KL: variants seen among roughly 807,000 people sequenced by gnomAD.
KL encodes klotho.
KL carries 62 observed loss-of-function variants against 84.2 expected under a neutral mutation model. The ratio of observed to expected loss-of-function variants is 0.74; its 90% CI spans 0.60 to 0.91. KL has a LOEUF of 0.91. Among genes scored for constraint, KL ranks in the 40% least tolerant of loss-of-function variants. The pLI is 0.00. For missense variants in KL, 1,261 were observed against 1,305.7 expected (o/e 0.97, Z 0.53); for synonymous variants, 528 against 528.0 (o/e 1.00, Z 0.00).
intron 1 of KL, among the ~76,000 whole-genome samples, chr13:33,043,036 T>TG (rs1232846784): frequency 6.6e-6 from 1 of 152,142 alleles, no homozygotes; most frequent in Non-Finnish European, 1.5e-5. Context: ...TACAAGTCTT[T>TG]TGGGGGGCTT....
chr13:33,055,383 C>G (rs1566507918), intron 3 of KL, 68 bp downstream of exon 3: 1 of 1,590,990 alleles, frequency 6.3e-7, no homozygotes, highest in South Asian at 1.1e-5. Context: ...GTGCTTCCTT[C>G]CTAGGCTGAT....
intron 3 of KL, among the ~76,000 whole-genome samples, chr13:33,059,139 G>C (rs1009715341): frequency 6.6e-6 from 1 of 152,168 alleles, no homozygotes; most frequent in Non-Finnish European, 1.5e-5. Flanking sequence ...TCAGACCAAG[G>C]AACCTGTTCT....
intron 1 of KL, among the ~76,000 whole-genome samples, chr13:33,045,687 C>T (rs548331803): frequency 6.6e-6 from 1 of 152,168 alleles, no homozygotes; most frequent in Non-Finnish European, 1.5e-5. Context: ...CGATGTTGGT[C>T]AGGCTGCTCT....
At position 33,064,344 on chromosome 13, in the gene KL, T is replaced by G; in HGVS notation, c.*158T>G. ...TATGACAGAGGTTTTGAAATGGGCA[T>G]AGGTGATCGTAAAATATTGAATAAT... On this transcript the variant is annotated 3_prime_UTR_variant, in exon 5 of 5. Transcript: ENST00000380099. 1.7e-6 allele frequency: 1 copy of G among 604,672 alleles called. No homozygotes were observed. The highest frequency in any genetic ancestry group is 2.9e-6 in the Non-Finnish European group (1 of 346,952). 37.5% of individuals were successfully genotyped at this position (604,672 alleles called of 1,614,324 possible).
chr13:33,021,285 G>A (rs949545614), intron 1 of KL, among the ~76,000 whole-genome samples: 3 of 152,274 alleles, frequency 2.0e-5, no homozygotes, highest in Admixed American at 6.5e-5. Context: ...ACATAACGTG[G>A]CAGACTCTGA....
At chr13:33,060,549 A>G in intron 3 of KL, 130 bp from the exon 4 acceptor site, 1 of 988,186 alleles carries the variant, frequency 1.0e-6, no homozygotes, top group Non-Finnish European at 1.6e-6. Context: ...TATGAAAAAT[A>G]GTTCACATTC....
intron 1 of KL, among the ~76,000 whole-genome samples, chr13:33,037,335 AC>A (rs1471557321): frequency 6.6e-6 from 1 of 152,128 alleles, no homozygotes; most frequent in Non-Finnish European, 1.5e-5. Flanking sequence ...TTTAAAAAAA[AC>A]AACAAAGATT....
chr13:33,044,649 T>C (rs1203084019), intron 1 of KL, among the ~76,000 whole-genome samples: 2 of 93,966 alleles, frequency 2.1e-5, no homozygotes, highest in East Asian at 2.6e-4. Flanking sequence ...TCTTTTTTTT[T>C]TTTTTTTTTT....
intron 3 of KL, among the ~76,000 whole-genome samples, chr13:33,060,298 T>A (rs1267548845): frequency 1.3e-5 from 2 of 152,190 alleles, no homozygotes; most frequent in African/African-American, 2.4e-5. Flanking sequence ...TTTTTCTTTT[T>A]AAATTTGAAA....
intron 1 of KL, among the ~76,000 whole-genome samples, chr13:33,033,726 A>T (rs927056626): frequency 2.0e-5 from 3 of 151,488 alleles, no homozygotes. Flanking sequence ...ACTTCCAGCA[A>T]CCCACTTTAC....
chr13:33,024,553 G>T (rs986778690), intron 1 of KL, among the ~76,000 whole-genome samples: 2 of 152,178 alleles, frequency 1.3e-5, no homozygotes, highest in African/African-American at 4.8e-5. Flanking sequence ...CCCAAAGGAG[G>T]CATATTTGTA....
intron 1 of KL, among the ~76,000 whole-genome samples, chr13:33,037,061 G>T (rs1871166059): frequency 6.6e-6 from 1 of 152,124 alleles, no homozygotes; most frequent in African/African-American, 2.4e-5. Context: ...ATATACTAAT[G>T]TTTGAGGGCT....
chr13:33,037,382 A>T (rs980350279), intron 1 of KL, among the ~76,000 whole-genome samples: 1 of 152,232 alleles, frequency 6.6e-6, no homozygotes, highest in South Asian at 2.1e-4. Flanking sequence ...AGCAAGAAAT[A>T]TCTTCACCTT....
chr13:33,020,231 A>G (rs1242806446), intron 1 of KL, among the ~76,000 whole-genome samples: 2 of 152,128 alleles, frequency 1.3e-5, no homozygotes, highest in Non-Finnish European at 2.9e-5. Flanking sequence ...TCTGTCTGCA[A>G]TGTTTGTTGA....
chr13:33,059,645 G>A (rs1454175498), intron 3 of KL, among the ~76,000 whole-genome samples: 3 of 152,000 alleles, frequency 2.0e-5, no homozygotes, highest in Admixed American at 2.0e-4. Flanking sequence ...GCTACTTTTT[G>A]TATTTTTAGT....
At position 33,017,068 on chromosome 13, in the gene KL, C is replaced by G; in HGVS notation, c.628C>G (p.Arg210Gly). The change falls in exon 1 of 5, where the codon CGC becomes GGC. Residue 210 changes from arginine to glycine, a missense_variant. Physicochemically the swap from Arg to Gly is moderately radical, Grantham distance 125 (BLOSUM62 -2). Coordinates refer to ENST00000380099, the MANE Select transcript of KL (RefSeq NM_004795.4). ...GGACGCCTACGGCGGCTGGGCCAAC[C>G]GCGCCCTGGCCGACCACTTCAGGGA... ...LQDAYGGWAN[R>G]ALADHFRDYA... The G allele has an allele frequency of 6.2e-7, 1 of 1,602,318 alleles. No individual in the cohort carries two copies. Among genetic ancestry groups the G allele is most frequent in the Non-Finnish European group, 8.5e-7 (1 of 1,178,528 alleles).
chr13:33,016,634 T>G lies in KL; in HGVS notation c.194T>G (p.Phe65Cys). 1 of 1,560,194 alleles carries G rather than the reference T, an allele frequency of 6.4e-7. No individual in the cohort carries two copies. The highest frequency in any genetic ancestry group is 8.7e-7 in the Non-Finnish European group (1 of 1,152,588). Residue 65 changes from phenylalanine to cysteine, a missense_variant, in exon 1 of 5, where the codon TTC becomes TGC. Phe to Cys is a radical substitution (Grantham distance 205). Transcript: ENST00000380099. ...GLFQGTFPDG[F>C]LWAVGSAAYQ... ...TTCCAGGGCACCTTCCCCGACGGCTTCCTCTGGGCCGTGGGCAGCGCCGCC... is the reference window on the plus strand; with the variant it reads ...TTCCAGGGCACCTTCCCCGACGGCTGCCTCTGGGCCGTGGGCAGCGCCGCC...
Position 33,061,155 on chromosome 13 carries a change from A to G in KL, c.2076A>G (p.Thr692=). ...KLWITMNEPY[T]RNMTYSAGHN... is the part of the protein sequence containing the mutation. ...GGATAACGATGAATGAGCCGTATAC[A>G]AGGAATATGACATACAGTGCTGGCC... Residue 692 remains threonine (T), a synonymous_variant, in exon 4 of 5, where the codon ACA becomes ACG. Coordinates refer to ENST00000380099, the MANE Select transcript of KL (RefSeq NM_004795.4). The G allele has an allele frequency of 6.2e-7, 1 of 1,614,240 alleles. No individual in the cohort carries two copies. Among genetic ancestry groups the G allele is most frequent in the Non-Finnish European group, 8.5e-7 (1 of 1,180,044 alleles).
Position 33,017,266 on chromosome 13 carries a change from G to A in KL, c.819+7G>A. 2 of 1,558,846 alleles carry A rather than the reference G, an allele frequency of 1.3e-6. No homozygotes were observed. The highest frequency in any genetic ancestry group is 8.6e-7 in the Non-Finnish European group (1 of 1,158,462). On this transcript the variant is annotated splice_region_variant and intron_variant, in intron 1 of 4. Transcript: ENST00000380099. ...GGCGCACAACCTCCTCCTGGTGAGTGCGAGGGGCCAGGCGGAGGGCCACGC... is the reference window on the plus strand; with the variant it reads ...GGCGCACAACCTCCTCCTGGTGAGTACGAGGGGCCAGGCGGAGGGCCACGC...
Sources: gnomAD v4.1 joint callset for allele counts (sites outside exome capture counted in the v4.1 genomes callset) on GRCh38, gnomAD v4.1.1 for gene constraint, MANE v1.5 for transcripts, NCBI Gene and HGNC (gene_info 2026-07-23, HGNC 2026-07-21) for gene names.